Variants in ANGPT1 observed in about 807,000 individuals in gnomAD.
ANGPT1 encodes the protein angiopoietin 1, also known as angiopoietin-1.
ANGPT1 carries 17 observed loss-of-function variants against 62.2 expected under a neutral mutation model. That is an observed-to-expected ratio of 0.27 (90% CI 0.19 to 0.41). The LOEUF (loss-of-function observed/expected upper bound fraction) is 0.41. Ranked by LOEUF, ANGPT1 falls within the 10% of genes least tolerant of loss-of-function variation. The probability of loss-of-function intolerance (pLI) is 1.00; values close to 1 mark genes in which losing one functional copy is unlikely to be tolerated. For missense variants in ANGPT1, 478 were observed against 594.9 expected (o/e 0.80, Z 2.04); for synonymous variants, 199 against 198.9 (o/e 1.00, Z 0.00).
chr8:107,426,265 G>A (rs1463141429), intron 1 of ANGPT1, among the ~76,000 whole-genome samples: 2 of 152,268 alleles, frequency 1.3e-5, no homozygotes, highest in African/African-American at 4.8e-5. Flanking sequence ...CAGCACAGAT[G>A]TCTAAAGTAC....
intron 1 of ANGPT1, among the ~76,000 whole-genome samples, chr8:107,354,916 C>CTT (rs780289972): frequency 2.3e-3 from 308 of 135,904 alleles, no homozygotes; most frequent in African/African-American, 7.4e-3. Flanking sequence ...GATGGTGTTG[C>CTT]TTTTTTTTTT....
intron 6 of ANGPT1, among the ~76,000 whole-genome samples, chr8:107,292,732 C>T (rs1814308492): frequency 6.6e-6 from 1 of 152,136 alleles, no homozygotes; most frequent in Non-Finnish European, 1.5e-5. Flanking sequence ...CACTAGAAAC[C>T]TCCATTCATT....
chr8:107,316,902 T>G (rs965765655), intron 4 of ANGPT1, among the ~76,000 whole-genome samples: 1 of 152,206 alleles, frequency 6.6e-6, no homozygotes, highest in Non-Finnish European at 1.5e-5. Flanking sequence ...CTTTGTAACT[T>G]TGGGCAAATT....
chr8:107,421,830 A>G (rs981520137), intron 1 of ANGPT1, among the ~76,000 whole-genome samples: 3 of 152,182 alleles, frequency 2.0e-5, no homozygotes, highest in Non-Finnish European at 4.4e-5. Flanking sequence ...GAGTTTTTGC[A>G]TAGAAAACAG....
chr8:107,331,663 T>C lies in ANGPT1; in HGVS notation c.575+4487A>G, dbSNP rs1274813794. ...AAAATAGAAATAATAATACATACTT[T>C]GCAGGATTGGTTGGAGGATTGGAAA... On this transcript the variant is annotated intron_variant, in intron 3 of 8. Coordinates refer to ENST00000517746, the MANE Select transcript of ANGPT1 (RefSeq NM_001146.5). Among the ~76,000 whole-genome samples the C allele has an allele frequency of 3.3e-5, 5 of 152,174 alleles. No individual in the cohort carries two copies. The East Asian group carries it at 7.7e-4, about 23-fold the overall frequency.
intron 1 of ANGPT1, among the ~76,000 whole-genome samples, chr8:107,428,077 T>A (rs1420721711): frequency 1.3e-5 from 2 of 152,210 alleles, no homozygotes; most frequent in Non-Finnish European, 2.9e-5. Flanking sequence ...AGCACTGTAA[T>A]TTCCATATGG....
At chr8:107,304,649 T>C (rs2129985522) in intron 4 of ANGPT1, among the ~76,000 whole-genome samples, 1 of 152,000 alleles carries the variant, frequency 6.6e-6, no homozygotes, top group South Asian at 2.1e-4. Context: ...GTCTAATCTT[T>C]ATGGAAATAA....
At chr8:107,305,047 C>T (rs931264713) in intron 4 of ANGPT1, among the ~76,000 whole-genome samples, 39 of 151,956 alleles carry the variant, frequency 2.6e-4, no homozygotes, top group African/African-American at 7.5e-4. Flanking sequence ...GTATCCATTT[C>T]AAAAGCATTG....
intron 2 of ANGPT1, chr8:107,336,664 C>CAAAAAAAA (rs764777661): frequency 3.3e-5 from 2 of 61,372 alleles, no homozygotes; most frequent in East Asian, 4.5e-4. Flanking sequence ...GACTCTGTCT[C>CAAAAAAAA]AAAAAAAAAA....
intron 5 of ANGPT1, among the ~76,000 whole-genome samples, chr8:107,299,263 G>T (rs1323315164): frequency 6.6e-6 from 1 of 150,706 alleles, no homozygotes; most frequent in Admixed American, 6.7e-5. Flanking sequence ...CCTAGAATTA[G>T]ATTCCTTTGT....
At chr8:107,316,515 G>C (rs1815017815) in intron 4 of ANGPT1, among the ~76,000 whole-genome samples, 1 of 152,126 alleles carries the variant, frequency 6.6e-6, no homozygotes, top group South Asian at 2.1e-4. Flanking sequence ...TCAAGTATTT[G>C]CTGATATTAT....
chr8:107,401,812 C>T (rs950064625), intron 1 of ANGPT1, among the ~76,000 whole-genome samples: 2 of 152,142 alleles, frequency 1.3e-5, no homozygotes, highest in Non-Finnish European at 2.9e-5. Flanking sequence ...TCTCAATGCT[C>T]ATTTTATGGA....
At chr8:107,481,458 T>A (rs1464436496) in intron 1 of ANGPT1, among the ~76,000 whole-genome samples, 1 of 132,808 alleles carries the variant, frequency 7.5e-6, no homozygotes, top group African/African-American at 2.9e-5. Flanking sequence ...CACTTGAACC[T>A]GGGAGGCAGA....
intron 8 of ANGPT1, among the ~76,000 whole-genome samples, chr8:107,261,077 A>T (rs1375914369): frequency 6.6e-6 from 1 of 152,058 alleles, no homozygotes; most frequent in Non-Finnish European, 1.5e-5. Context: ...TTATTTGGTA[A>T]GAAAAAATAT....
In ANGPT1 at chr8:107,302,561, A is replaced by G. The variant is rs1586203845; in HGVS notation, c.936+679T>C. On this transcript the variant is annotated intron_variant, in intron 5 of 8. Coordinates refer to ENST00000517746, the MANE Select transcript of ANGPT1 (RefSeq NM_001146.5). ...TGCTCTATATTCATGTTCCTAACAA[A>G]TGCATGATATCCACTTAACAGTATT... is the stretch of plus-strand genomic sequence containing the variant. Among the ~76,000 whole-genome samples, 3 of 152,082 alleles carry G rather than the reference A, an allele frequency of 2.0e-5. No homozygotes were observed. In the South Asian group the frequency reaches 6.2e-4, roughly 32 times the overall value.
At chr8:107,336,398 G>A in intron 2 of ANGPT1, 127 bp from the exon 3 acceptor site, 1 of 1,352,072 alleles carries the variant, frequency 7.4e-7, no homozygotes, top group Non-Finnish European at 9.5e-7. Context: ...GGGCGCAGTG[G>A]CTCACGCCTG....
chr8:107,321,132 C>A (rs1035608969), intron 4 of ANGPT1, among the ~76,000 whole-genome samples: 1 of 151,988 alleles, frequency 6.6e-6, no homozygotes, highest in African/African-American at 2.4e-5. Context: ...TTGAAGGAAA[C>A]AGGTGCAAGC....
At position 107,336,245 on chromosome 8, in the gene ANGPT1, C is replaced by T. The variant is rs1815557135; in HGVS notation, c.480G>A (p.Glu160=). The change falls in exon 3 of 9, where the codon GAG becomes GAA. Residue 160 remains glutamate (E), a synonymous_variant. Coordinates refer to ENST00000517746, the MANE Select transcript of ANGPT1 (RefSeq NM_001146.5). ...TQVLNQTSRL[E]IQLLENSLST... ...ATAATGAATTCTCCAGCAGCTGTAT[C>T]TCAAGTCGAGAAGTTTGATTTAGTA... 1 of 1,604,588 alleles carries T rather than the reference C, an allele frequency of 6.2e-7. No homozygotes were observed. Among genetic ancestry groups the T allele is most frequent in the Non-Finnish European group, 8.5e-7 (1 of 1,176,756 alleles).
intron 1 of ANGPT1, among the ~76,000 whole-genome samples, chr8:107,472,458 T>A (rs117412145): frequency 6.6e-6 from 1 of 152,066 alleles, no homozygotes; most frequent in Non-Finnish European, 1.5e-5. Context: ...AAGAAGGGAA[T>A]CTTAAAGCAA....
Sources: gnomAD v4.1 joint callset for allele counts (sites outside exome capture counted in the v4.1 genomes callset) on GRCh38, gnomAD v4.1.1 for gene constraint, MANE v1.5 for transcripts, NCBI Gene and HGNC (gene_info 2026-07-23, HGNC 2026-07-21) for gene names.